Variants in CAPN14 observed in about 807,000 individuals in gnomAD.
CAPN14 encodes the protein calpain 14.
CAPN14 carries 94 observed loss-of-function variants against 101.3 expected under a neutral mutation model. The observed-to-expected ratio is 0.93, with a 90% confidence interval of 0.79 to 1.10. The LOEUF (loss-of-function observed/expected upper bound fraction) is 1.10. Among genes scored for constraint, CAPN14 ranks in the 50% least tolerant of loss-of-function variants. CAPN14 has a pLI of 0.00. For synonymous variants in CAPN14, 338 were observed against 317.9 expected, an observed-to-expected ratio of 1.06 and a Z score of -0.67; for missense variants, 837 against 828.4, an observed-to-expected ratio of 1.01 and a Z score of -0.13.
At chr2:31,195,174 A>G (rs1558622155) in intron 8 of CAPN14, among the ~76,000 whole-genome samples, 1 of 152,152 alleles carries the variant, frequency 6.6e-6, no homozygotes, top group Non-Finnish European at 1.5e-5. Flanking sequence ...GGCTACATGA[A>G]AAAAAGGAGT....
chr2:31,207,815 A>G (rs2148695915), intron 1 of CAPN14, among the ~76,000 whole-genome samples: 1 of 152,310 alleles, frequency 6.6e-6, no homozygotes, highest in South Asian at 2.1e-4. Context: ...AAATTATTTG[A>G]TCAATTGCTA....
At chr2:31,194,753 G>C (rs1346741899) in intron 8 of CAPN14, among the ~76,000 whole-genome samples, 1 of 152,184 alleles carries the variant, frequency 6.6e-6, no homozygotes, top group East Asian at 1.9e-4. Context: ...AGTTAAGAGA[G>C]ATTAGGTCAT....
At chr2:31,226,751 C>T (rs1683034518) in intron 1 of CAPN14, 1 of 152,266 alleles carries the variant, frequency 6.6e-6, no homozygotes, top group South Asian at 2.1e-4. Context: ...TGGCTGCTCA[C>T]CTCTGGGGGC....
intron 5 of CAPN14, among the ~76,000 whole-genome samples, chr2:31,201,113 G>A (rs959559673): frequency 2.3e-5 from 3 of 130,052 alleles, no homozygotes; most frequent in Non-Finnish European, 3.3e-5. Flanking sequence ...GTGCATGTGC[G>A]TGTGTGTGCA....
intron 11 of CAPN14, among the ~76,000 whole-genome samples, 184 bp downstream of exon 11, chr2:31,191,751 T>C (rs189650038): frequency 4.2e-4 from 64 of 152,354 alleles, no homozygotes; most frequent in African/African-American, 1.3e-3. Flanking sequence ...TAGAAACTGA[T>C]GGCCTAGTGC....
intron 1 of CAPN14, among the ~76,000 whole-genome samples, chr2:31,211,070 C>T (rs1345574510): frequency 6.6e-6 from 1 of 152,026 alleles, no homozygotes; most frequent in Non-Finnish European, 1.5e-5. Flanking sequence ...TCTAGAGGAA[C>T]ACCATACTTT....
At position 31,204,481 on chromosome 2, in the gene CAPN14, G is replaced by A. The variant is rs1334211173; in HGVS notation, c.225+742C>T. On this transcript the variant is annotated intron_variant, in intron 2 of 21. Coordinates refer to ENST00000403897, the MANE Select transcript of CAPN14 (RefSeq NM_001145122.2). ...CATTGGAAAGACCAAGGCAGGATTAGAAGGTTGGGAGTTTCAGCCCCACCC... is the reference window on the plus strand; with the variant it reads ...CATTGGAAAGACCAAGGCAGGATTAAAAGGTTGGGAGTTTCAGCCCCACCC... 2.0e-5 allele frequency among the ~76,000 whole-genome samples: 3 copies of A among 152,316 alleles called. No homozygotes were observed. The East Asian group carries it at 5.8e-4, about 29-fold the overall frequency.
At position 31,174,412 on chromosome 2, in the gene CAPN14, A is replaced by T; in HGVS notation, c.*269T>A. On this transcript the variant is annotated 3_prime_UTR_variant, in exon 22 of 22. Coordinates refer to ENST00000403897, the MANE Select transcript of CAPN14 (RefSeq NM_001145122.2). ...GAATGCTTAGGCCATGTCAGGTAAC[A>T]TCTCCGCTTGTGACAAGGTTGTGGC... 5.2e-6 allele frequency: 3 copies of T among 572,842 alleles called. No individual in the cohort carries two copies. Among genetic ancestry groups the T allele is most frequent in the Non-Finnish European group, 9.3e-6 (3 of 321,112 alleles). The allele number at this position is 572,842 out of a possible 1,614,324, so 35.5% of individuals were successfully genotyped here.
chr2:31,229,911 T>A (rs1312249020), intron 1 of CAPN14, among the ~76,000 whole-genome samples: 1 of 152,184 alleles, frequency 6.6e-6, no homozygotes, highest in East Asian at 1.9e-4. Context: ...CCTGAAACAT[T>A]AATGAAATTG....
Position 31,178,553 on chromosome 2 carries a change from G to C in CAPN14, c.1737C>G (p.Ile579Met), listed in dbSNP as rs202203372. Residue 579 changes from isoleucine to methionine, a missense_variant, in exon 18 of 22, where the codon ATC becomes ATG. By Grantham distance (10) the Ile-to-Met change is conservative. Transcript: ENST00000403897. Reference protein sequence around the residue: ...LDLNASGTMSIQEFRDLWKQL... With the variant: ...LDLNASGTMSMQEFRDLWKQL... ...GCTTCCACAGGTCCCTGAATTCCTGGATGCTCATAGTACCTGATGCATTAA... is the reference window on the plus strand; with the variant it reads ...GCTTCCACAGGTCCCTGAATTCCTGCATGCTCATAGTACCTGATGCATTAA... 1.1e-3 allele frequency: 1,776 copies of C among 1,548,760 alleles called. 3 individuals are homozygous for C. Among genetic ancestry groups the C allele is most frequent in the Non-Finnish European group, 1.1e-3 (1,271 of 1,145,828 alleles).
At chr2:31,185,164 G>A (rs895634784) in intron 16 of CAPN14, among the ~76,000 whole-genome samples, 1 of 152,090 alleles carries the variant, frequency 6.6e-6, no homozygotes, top group South Asian at 2.1e-4. Flanking sequence ...CTTCTTCCAA[G>A]ACATTAATAA....
intron 12 of CAPN14, 60 bp downstream of exon 12, chr2:31,191,333 TGTGGAG>T: frequency 6.8e-7 from 1 of 1,465,144 alleles, no homozygotes; most frequent in East Asian, 2.5e-5. Context: ...AACTAAATCC[TGTGGAG>T]GCTTGGCCAC....
rs1681514596 is a variant in CAPN14 at position 31,197,282 on chromosome 2, C to T, written c.842G>A (p.Gly281Glu). The change falls in exon 8 of 22, where the codon GGA (glycine) becomes GAA (glutamate). Residue 281 changes from glycine to glutamate, a missense_variant. Gly to Glu is a moderately conservative substitution (Grantham distance 98). Transcript: ENST00000403897. ...EYLVKLRNPW[G>E]KVEWKGDWSD... The stretch of plus-strand genomic sequence containing the variant: ...CCAGTCTCCTTTCCATTCCACCTTT[C>T]CCCAGGGGTTCCGTAGCTTGACGAG... The T allele has an allele frequency of 1.9e-6, 3 of 1,551,232 alleles. No homozygotes were observed. In the South Asian group the frequency reaches 3.6e-5, roughly 18 times the overall value.
intron 14 of CAPN14, among the ~76,000 whole-genome samples, chr2:31,188,053 G>C (rs923181580): frequency 1.3e-5 from 2 of 152,236 alleles, no homozygotes; most frequent in African/African-American, 4.8e-5. Context: ...AGAAGCAGAA[G>C]AATGTAGAGA....
At chr2:31,197,442 C>G in intron 7 of CAPN14, 108 bp from the exon 8 acceptor site, 1 of 722,364 alleles carries the variant, frequency 1.4e-6, no homozygotes, top group South Asian at 1.7e-5. Flanking sequence ...AAAATCACAG[C>G]CCCAGAGAGA....
chr2:31,190,582 T>A (rs917176046), intron 12 of CAPN14, among the ~76,000 whole-genome samples: 1 of 152,208 alleles, frequency 6.6e-6, no homozygotes, highest in East Asian at 1.9e-4. Context: ...TGTAGCTGAT[T>A]TGCAGGTTTC....
chr2:31,195,387 A>G (rs1681415381), intron 8 of CAPN14, among the ~76,000 whole-genome samples: 1 of 152,178 alleles, frequency 6.6e-6, no homozygotes, highest in Admixed American at 6.5e-5. Context: ...CGTACGCTGG[A>G]GTGCAGTGGT....
intron 20 of CAPN14, 149 bp from the exon 21 acceptor site, chr2:31,176,791 C>T (rs1680314117): frequency 1.3e-6 from 1 of 761,936 alleles, no homozygotes; most frequent in East Asian, 2.7e-5. Context: ...CACGCAGCCA[C>T]ATCTATGATA....
chr2:31,188,647 C>A (rs1306647396), intron 13 of CAPN14, among the ~76,000 whole-genome samples: 1 of 152,208 alleles, frequency 6.6e-6, no homozygotes, highest in Non-Finnish European at 1.5e-5. Context: ...ATCAAACTAC[C>A]TGTGGCCGAG....
Sources: allele counts gnomAD v4.1 joint callset (sites outside exome capture counted in the v4.1 genomes callset), GRCh38; gene constraint gnomAD v4.1.1; transcripts MANE v1.5; gene names NCBI Gene and HGNC (gene_info 2026-07-23, HGNC 2026-07-21).